Variants in TMEM135 observed in about 807,000 individuals in gnomAD.
TMEM135 encodes the protein peroxisomal membrane protein 52.
A neutral mutation model predicts 60.3 loss-of-function variants in TMEM135; 30 were observed. The ratio of observed to expected loss-of-function variants is 0.50; its 90% CI spans 0.37 to 0.68. The LOEUF (loss-of-function observed/expected upper bound fraction) is 0.68, where lower values mean the gene tolerates loss of function less well. Ranked by LOEUF, TMEM135 falls within the 30% of genes least tolerant of loss-of-function variation. The pLI, the probability that TMEM135 is intolerant of heterozygous loss-of-function variation, is 0.00. For synonymous variants in TMEM135, 190 were observed against 186.7 expected (o/e 1.02, Z -0.14); for missense variants, 468 against 548.8 (o/e 0.85, Z 1.47).
intron 4 of TMEM135, among the ~76,000 whole-genome samples, chr11:87,104,036 A>G (rs973216978): frequency 1.9e-4 from 29 of 152,168 alleles, no homozygotes; most frequent in Admixed American, 1.6e-3. Context: ...CTTTTGCCCT[A>G]TATTTTCTTT....
chr11:87,137,144 T>A (rs1269911493), intron 4 of TMEM135, among the ~76,000 whole-genome samples: 10 of 152,128 alleles, frequency 6.6e-5, no homozygotes, highest in Admixed American at 6.5e-4. Flanking sequence ...TTTTGATTCA[T>A]GTATTTTAAA....
Position 87,322,335 on chromosome 11 carries a change from A to G in TMEM135, c.*1002A>G. ...GCACCTGAAAACACTATAAAAATCC[A>G]GTGGTTGTTTAAAAAGTCCATTTGT... On this transcript the variant is annotated 3_prime_UTR_variant, in exon 15 of 15. Coordinates refer to ENST00000305494, the MANE Select transcript of TMEM135 (RefSeq NM_022918.4). The G allele has an allele frequency of 4.4e-6, 2 of 454,012 alleles. No homozygotes were observed. The highest frequency in any genetic ancestry group is 8.8e-6 in the Non-Finnish European group (2 of 226,726). 28.1% of individuals were successfully genotyped at this position (454,012 alleles called of 1,614,324 possible).
chr11:87,295,752 T>G (rs1942337249), intron 6 of TMEM135, 30 bp from the exon 7 acceptor site: 2 of 1,574,830 alleles, frequency 1.3e-6, no homozygotes, highest in Non-Finnish European at 1.7e-6. Context: ...AAATATGTTA[T>G]TTTATGATTG....
At position 87,328,760 on chromosome 11, in the gene TMEM135, T is replaced by G. The variant is rs1211627807; in HGVS notation, c.*7427T>G. ...ATCCACTCATTGGTCTATGGGCACT[T>G]TGGTTGATTCTGTATCTTTGCAATT... is the stretch of plus-strand genomic sequence containing the variant. On this transcript the variant is annotated 3_prime_UTR_variant, in exon 15 of 15. Coordinates refer to ENST00000305494, the MANE Select transcript of TMEM135 (RefSeq NM_022918.4). The G allele has an allele frequency of 2.2e-6, 1 of 454,092 alleles. No homozygotes were observed. The highest frequency in any genetic ancestry group is 1.6e-5 in the South Asian group (1 of 64,480). The allele number at this position is 454,092 out of a possible 1,614,324, so 28.1% of individuals were successfully genotyped here.
intron 4 of TMEM135, among the ~76,000 whole-genome samples, chr11:87,151,355 G>A (rs636159): frequency 3.6e-4 from 54 of 151,856 alleles, no homozygotes; most frequent in Non-Finnish European, 3.8e-4. Context: ...TTCTCTAAAG[G>A]GTTCCTTTTC....
rs1857188806 is a variant in TMEM135, at chr11:87,090,775, C to T, written c.363-587C>T. Among the ~76,000 whole-genome samples, 3 of 152,026 alleles carry T rather than the reference C, an allele frequency of 2.0e-5. 1 individual carries two copies. The highest frequency in any genetic ancestry group is 4.1e-4 in the South Asian group (2 of 4,824). Reference sequence around the variant, plus strand: ...TAAGTTTGGTAAATATGCAGTTTTTCTGTAAAGTGTTCATAGAACTTTTGT... The same window carrying T: ...TAAGTTTGGTAAATATGCAGTTTTTTTGTAAAGTGTTCATAGAACTTTTGT... On this transcript the variant is annotated intron_variant, in intron 3 of 14. Coordinates refer to ENST00000305494, the MANE Select transcript of TMEM135 (RefSeq NM_022918.4).
chr11:87,045,653 C>G (rs1949789526), intron 1 of TMEM135, among the ~76,000 whole-genome samples: 2 of 152,150 alleles, frequency 1.3e-5, no homozygotes, highest in African/African-American at 4.8e-5. Context: ...GCCTTCATAT[C>G]CAACTAATTA....
intron 3 of TMEM135, among the ~76,000 whole-genome samples, chr11:87,087,995 C>G (rs1256945618): frequency 6.6e-6 from 1 of 152,128 alleles, no homozygotes; most frequent in Non-Finnish European, 1.5e-5. Flanking sequence ...TCCTTGGCCT[C>G]CTGAAGTGTT....
chr11:87,155,671 G>A (rs535880927), intron 4 of TMEM135, among the ~76,000 whole-genome samples: 1 of 152,290 alleles, frequency 6.6e-6, no homozygotes, highest in African/African-American at 2.4e-5. Flanking sequence ...GGCTTTTGGA[G>A]TGTGCCAGAG....
chr11:87,096,103 C>G, intron 4 of TMEM135: 1 of 178,174 alleles, frequency 5.6e-6, no homozygotes. Context: ...ATGGTGTCTC[C>G]TTCACCAATA....
At chr11:87,102,730 A>ATATATATGTATATATATATATG (rs1565441810) in intron 4 of TMEM135, among the ~76,000 whole-genome samples, 4 of 109,740 alleles carry the variant, frequency 3.6e-5, no homozygotes, top group South Asian at 3.5e-4. Context: ...ATATATATGT[A>ATATATATGTATATATATATATG]TATATATATG....
chr11:87,217,889 A>G (rs1241073346), intron 5 of TMEM135, among the ~76,000 whole-genome samples: 3 of 152,174 alleles, frequency 2.0e-5, no homozygotes, highest in Non-Finnish European at 4.4e-5. Flanking sequence ...GTGATCTTTT[A>G]GGATCATTGC....
intron 5 of TMEM135, among the ~76,000 whole-genome samples, chr11:87,195,462 T>C (rs191271778): frequency 2.0e-5 from 3 of 151,746 alleles, no homozygotes; most frequent in African/African-American, 7.3e-5. Flanking sequence ...GTTTTACTCT[T>C]GTTGTCCAGG....
chr11:87,087,628 G>A (rs1366201227), intron 3 of TMEM135, among the ~76,000 whole-genome samples: 3 of 152,170 alleles, frequency 2.0e-5, no homozygotes, highest in Non-Finnish European at 4.4e-5. Context: ...ATAAACTTCA[G>A]TGTTATACTC....
chr11:87,147,284 C>A (rs1938442192), intron 4 of TMEM135, among the ~76,000 whole-genome samples: 1 of 152,218 alleles, frequency 6.6e-6, no homozygotes, highest in Non-Finnish European at 1.5e-5. Flanking sequence ...GATCGTGCCA[C>A]TACACTCCAG....
chr11:87,296,340 T>A (rs1328613384), intron 7 of TMEM135, among the ~76,000 whole-genome samples: 2 of 152,182 alleles, frequency 1.3e-5, no homozygotes, highest in African/African-American at 2.4e-5. Context: ...CACCAAGAAT[T>A]TTCTCATAGA....
intron 5 of TMEM135, among the ~76,000 whole-genome samples, chr11:87,196,507 G>A (rs1351022769): frequency 3.3e-5 from 5 of 152,088 alleles, no homozygotes; most frequent in Non-Finnish European, 7.4e-5. Context: ...CCTAAAAATT[G>A]TTGTCATTTT....
chr11:87,231,765 AAGTT>A (rs1398769667), intron 5 of TMEM135, among the ~76,000 whole-genome samples: 1 of 152,106 alleles, frequency 6.6e-6, no homozygotes. Context: ...TAGTTTCAAA[AAGTT>A]AGAGATATGG....
chr11:87,288,629 T>G (rs1942210557), intron 6 of TMEM135, among the ~76,000 whole-genome samples: 1 of 151,830 alleles, frequency 6.6e-6, no homozygotes, highest in African/African-American at 2.4e-5. Context: ...TATAAATCAT[T>G]TAATCAGCCA....
Sources: allele counts gnomAD v4.1 joint callset (sites outside exome capture counted in the v4.1 genomes callset), GRCh38; gene constraint gnomAD v4.1.1; transcripts MANE v1.5; gene names NCBI Gene and HGNC (gene_info 2026-07-23, HGNC 2026-07-21).